Variants in IFTAP observed in about 807,000 individuals in gnomAD.
IFTAP encodes intraflagellar transport associated protein, also known as intraflagellar transport-associated protein.
A neutral mutation model predicts 19.4 loss-of-function variants in IFTAP; 19 were observed. That is an observed-to-expected ratio of 0.98 (90% CI 0.68 to 1.44). IFTAP has a LOEUF of 1.44. Among genes scored for constraint, IFTAP ranks in the 40% most tolerant of loss-of-function variants. IFTAP has a pLI of 0.00. For synonymous variants in IFTAP, 85 were observed against 83.5 expected, an observed-to-expected ratio of 1.02 and a Z score of -0.10; for missense variants, 240 against 253.6, an observed-to-expected ratio of 0.95 and a Z score of 0.36.
chr11:36,606,178 G>A (rs1851685233), intron 1 of IFTAP, among the ~76,000 whole-genome samples: 1 of 152,208 alleles, frequency 6.6e-6, no homozygotes, highest in Admixed American at 6.5e-5. Context: ...AGTCAATAAG[G>A]CCACGCGCAG....
intron 4 of IFTAP, among the ~76,000 whole-genome samples, chr11:36,643,038 T>C (rs188551233): frequency 1.4e-4 from 22 of 152,210 alleles, no homozygotes; most frequent in Non-Finnish European, 4.4e-5. Context: ...AAATAAAGGG[T>C]ATTCAGTTAG....
At chr11:36,623,172 C>G (rs11033722) in intron 2 of IFTAP, among the ~76,000 whole-genome samples, 2 of 152,056 alleles carry the variant, frequency 1.3e-5, no homozygotes, top group Non-Finnish European at 1.5e-5. Context: ...CCCCAAGATT[C>G]AGTAGTTCTA....
At position 36,607,495 on chromosome 11, in the gene IFTAP, A is replaced by G. The variant is rs147291945; in HGVS notation, c.-23-2586A>G. On this transcript the variant is annotated intron_variant, in intron 1 of 5. Transcript: ENST00000334307. ...CATATTGGTATTTCTACAGGGAAAT[A>G]TATGAATAGTAACGCTGAGTAGAAT... Among the ~76,000 whole-genome samples the G allele has an allele frequency of 4.8e-3, 738 of 152,310 alleles. 6 individuals are homozygous for G. Among genetic ancestry groups the G allele is most frequent in the Non-Finnish European group, 7.0e-3 (477 of 68,024 alleles).
At chr11:36,596,990 C>T (rs1451659816) in intron 1 of IFTAP, among the ~76,000 whole-genome samples, 1 of 152,136 alleles carries the variant, frequency 6.6e-6, no homozygotes, top group Non-Finnish European at 1.5e-5. Flanking sequence ...CCCTTTGATG[C>T]TCTGCTTTTG....
intron 4 of IFTAP, among the ~76,000 whole-genome samples, chr11:36,642,250 A>T (rs1335883156): frequency 5.3e-5 from 8 of 152,232 alleles, no homozygotes; most frequent in Non-Finnish European, 1.2e-4. Context: ...TAAACTAGAA[A>T]ATCTAGAAGA....
At chr11:36,617,161 TA>T (rs1353510134) in intron 2 of IFTAP, among the ~76,000 whole-genome samples, 2 of 149,620 alleles carry the variant, frequency 1.3e-5, no homozygotes, top group Admixed American at 6.7e-5. Flanking sequence ...AATATATCAT[TA>T]AAAATGATAT....
chr11:36,626,847 C>T (rs1169323486), intron 2 of IFTAP, among the ~76,000 whole-genome samples: 2 of 151,010 alleles, frequency 1.3e-5, no homozygotes, highest in Non-Finnish European at 1.5e-5. Flanking sequence ...GGTTTTATTT[C>T]ATCATGTGGG....
intron 4 of IFTAP, among the ~76,000 whole-genome samples, chr11:36,639,775 C>T (rs6416086): frequency 0.98 from 148,882 of 152,304 alleles, 72,787 homozygotes; most frequent in East Asian, 1. Context: ...ACATTGGGGA[C>T]CAAATTTCAA....
intron 2 of IFTAP, among the ~76,000 whole-genome samples, chr11:36,630,952 G>T (rs1176579656): frequency 6.6e-6 from 1 of 151,218 alleles, no homozygotes; most frequent in Non-Finnish European, 1.5e-5. Flanking sequence ...GTGTCTCCAT[G>T]CCTATCTTGC....
chr11:36,605,626 G>A (rs1448018451), intron 1 of IFTAP, among the ~76,000 whole-genome samples: 1 of 152,114 alleles, frequency 6.6e-6, no homozygotes, highest in Admixed American at 6.5e-5. Context: ...TCAGTGACTT[G>A]GCAAAAAGTG....
At chr11:36,652,701 ACT>A (rs1349401442) in intron 5 of IFTAP, among the ~76,000 whole-genome samples, 4 of 151,702 alleles carry the variant, frequency 2.6e-5, no homozygotes, top group Non-Finnish European at 4.4e-5. Context: ...GTCATAAGTA[ACT>A]CTTATTATTT....
intron 5 of IFTAP, among the ~76,000 whole-genome samples, chr11:36,651,801 T>A (rs188337813): frequency 0.11 from 16,771 of 152,138 alleles, 1,159 homozygotes; most frequent in South Asian, 0.15. Context: ...ACCATTTATT[T>A]AATAGGGAAT....
intron 1 of IFTAP, chr11:36,598,046 T>C (rs1283734772): frequency 3.9e-5 from 6 of 152,074 alleles, no homozygotes; most frequent in Non-Finnish European, 8.8e-5. Context: ...CCTTAAAGTT[T>C]ACTAACATAG....
chr11:36,596,581 C>G (rs375644254), intron 1 of IFTAP, among the ~76,000 whole-genome samples: 16 of 152,090 alleles, frequency 1.1e-4, no homozygotes, highest in African/African-American at 3.4e-4. Context: ...CATTATTGAC[C>G]CTCACTTCAG....
In IFTAP at chr11:36,635,917, G is replaced by C; in HGVS notation, c.292-134G>C. On this transcript the variant is annotated intron_variant, in intron 3 of 5. Coordinates refer to ENST00000334307, the MANE Select transcript of IFTAP (RefSeq NM_138787.4). ...ACAGTGAACACAAAAGCCTTGAGCT[G>C]GGACTCAAGAGTTAATGAGAAAAGT... is the stretch of plus-strand genomic sequence containing the variant. The C allele has an allele frequency of 1.3e-5, 9 of 673,622 alleles. No individual in the cohort carries two copies. In the South Asian group the frequency reaches 1.5e-4, roughly 11 times the overall value. 41.7% of individuals were successfully genotyped at this position (673,622 alleles called of 1,614,324 possible).
intron 1 of IFTAP, among the ~76,000 whole-genome samples, chr11:36,606,221 G>A (rs775815321): frequency 6.6e-6 from 1 of 152,210 alleles, no homozygotes; most frequent in Non-Finnish European, 1.5e-5. Flanking sequence ...CACTTTGGGA[G>A]GCCAAGGCAG....
intron 2 of IFTAP, among the ~76,000 whole-genome samples, chr11:36,630,545 A>G (rs1852688951): frequency 6.6e-6 from 1 of 151,288 alleles, no homozygotes; most frequent in Non-Finnish European, 1.5e-5. Flanking sequence ...ACTTCATTAT[A>G]TTTTGCTCTT....
chr11:36,594,868 G>A (rs1384985397), intron 1 of IFTAP: 1 of 152,432 alleles, frequency 6.6e-6, no homozygotes, highest in Non-Finnish European at 1.5e-5. Flanking sequence ...CTGCCTGTCT[G>A]GATGCTTAGG....
intron 1 of IFTAP, chr11:36,597,528 G>T (rs1197072546): frequency 1.3e-5 from 2 of 152,156 alleles, no homozygotes; most frequent in Non-Finnish European, 2.9e-5. Flanking sequence ...TCAGCAGGGA[G>T]ATTTTCATTT....
Sources: allele counts gnomAD v4.1 joint callset (sites outside exome capture counted in the v4.1 genomes callset), GRCh38; gene constraint gnomAD v4.1.1; transcripts MANE v1.5; gene names NCBI Gene and HGNC (gene_info 2026-07-23, HGNC 2026-07-21).